The following DNAJC13 variants were observed in gnomAD, a reference collection of about 807,000 sequenced individuals.
The protein encoded by DNAJC13 is dnaJ homolog subfamily C member 13.
A neutral mutation model predicts 290.5 loss-of-function variants in DNAJC13; 75 were observed. The ratio of observed to expected loss-of-function variants is 0.26; its 90% CI spans 0.21 to 0.31. The LOEUF is 0.31. Among genes scored for constraint, DNAJC13 ranks in the 10% least tolerant of loss-of-function variants. DNAJC13 has a pLI of 1.00. For synonymous variants in DNAJC13, 862 were observed against 892.0 expected (o/e 0.97, Z 0.60); for missense variants, 2,260 against 2,674.5 (o/e 0.85, Z 3.42).
chr3:132,466,436 G>T, intron 19 of DNAJC13, 42 bp downstream of exon 19: 1 of 1,499,480 alleles, frequency 6.7e-7, no homozygotes, highest in South Asian at 1.3e-5. Flanking sequence ...TAGGAGTAAG[G>T]GTACTGTTAT....
intron 1 of DNAJC13, among the ~76,000 whole-genome samples, chr3:132,418,323 G>A (rs1938858433): frequency 6.6e-6 from 1 of 152,140 alleles, no homozygotes; most frequent in African/African-American, 2.4e-5. Flanking sequence ...TATTCACGTG[G>A]CCTTTCCTCC....
chr3:132,513,452 G>A (rs565163750), intron 45 of DNAJC13, among the ~76,000 whole-genome samples: 3 of 152,268 alleles, frequency 2.0e-5, no homozygotes, highest in East Asian at 3.9e-4. Flanking sequence ...TGTTCCTATG[G>A]AGAGACATAC....
chr3:132,525,198 G>C (rs1041405683), intron 51 of DNAJC13, among the ~76,000 whole-genome samples: 3 of 152,154 alleles, frequency 2.0e-5, no homozygotes, highest in African/African-American at 7.2e-5. Flanking sequence ...AAATTAGCCA[G>C]GCGTGGTGGT....
chr3:132,536,098 C>A (rs1359702546), intron 55 of DNAJC13, among the ~76,000 whole-genome samples: 1 of 152,180 alleles, frequency 6.6e-6, no homozygotes, highest in Non-Finnish European at 1.5e-5. Flanking sequence ...ATTTTTTCAT[C>A]CGTCCCCAAG....
intron 16 of DNAJC13, among the ~76,000 whole-genome samples, chr3:132,463,144 G>C (rs985747573): frequency 6.6e-6 from 1 of 152,150 alleles, no homozygotes; most frequent in East Asian, 1.9e-4. Flanking sequence ...TACAATTGAA[G>C]AAAGTCTCCT....
chr3:132,498,198 G>T (rs2107715175), intron 36 of DNAJC13, among the ~76,000 whole-genome samples: 1 of 152,002 alleles, frequency 6.6e-6, no homozygotes, highest in East Asian at 1.9e-4. Flanking sequence ...GTAAGAAATT[G>T]TATTATTTTC....
intron 14 of DNAJC13, 132 bp from the exon 15 acceptor site, chr3:132,460,918 C>A: frequency 1.2e-6 from 1 of 835,136 alleles, no homozygotes; most frequent in Non-Finnish European, 1.8e-6. Flanking sequence ...AACTTTGAAC[C>A]TCATGTTGAG....
chr3:132,457,714 A>G (rs1933658777), intron 13 of DNAJC13: 1 of 167,798 alleles, frequency 6.0e-6, no homozygotes, highest in African/African-American at 2.4e-5. Flanking sequence ...ATTCTCACCC[A>G]GTCTTTCTGG....
intron 2 of DNAJC13, among the ~76,000 whole-genome samples, chr3:132,439,613 A>G (rs1374182704): frequency 6.6e-6 from 1 of 152,146 alleles, no homozygotes; most frequent in East Asian, 1.9e-4. Context: ...CTTTATCGGA[A>G]TCTTATGTTT....
intron 20 of DNAJC13, among the ~76,000 whole-genome samples, chr3:132,471,258 T>C (rs1576480554): frequency 8.3e-6 from 1 of 121,104 alleles, no homozygotes. Flanking sequence ...CCCCCCCACC[T>C]CCCTCCCGGA....
chr3:132,506,244 G>A (rs180862032), intron 42 of DNAJC13, among the ~76,000 whole-genome samples: 307 of 150,928 alleles, frequency 2.0e-3, no homozygotes, highest in Non-Finnish European at 3.3e-3. Flanking sequence ...TAGAGATGGG[G>A]TTTCTCCATG....
At chr3:132,490,876 T>C (rs1295167330) in intron 31 of DNAJC13, 21 bp from the exon 32 acceptor site, 37 of 1,509,504 alleles carry the variant, frequency 2.5e-5, no homozygotes, top group Non-Finnish European at 3.0e-5. Context: ...TGACTACCTT[T>C]TGTTTTGTTT....
chr3:132,455,873 A>G (rs1342516772), intron 9 of DNAJC13, among the ~76,000 whole-genome samples: 1 of 152,236 alleles, frequency 6.6e-6, no homozygotes, highest in African/African-American at 2.4e-5. Flanking sequence ...TGATGAAAAT[A>G]TATCAGAACT....
chr3:132,429,355 C>T (rs940919183), intron 1 of DNAJC13, among the ~76,000 whole-genome samples: 10 of 151,682 alleles, frequency 6.6e-5, no homozygotes, highest in African/African-American at 2.4e-4. Context: ...AGGTTAAGAA[C>T]CTAGGGTGTA....
intron 53 of DNAJC13, 53 bp from the exon 54 acceptor site, chr3:132,528,136 T>G (rs1936314465): frequency 6.3e-7 from 1 of 1,599,936 alleles, no homozygotes; most frequent in Non-Finnish European, 8.5e-7. Flanking sequence ...ATTTCTTCAG[T>G]GGATGATTTG....
chr3:132,533,253 A>G (rs1936477958), intron 55 of DNAJC13, among the ~76,000 whole-genome samples: 1 of 151,304 alleles, frequency 6.6e-6, no homozygotes, highest in Non-Finnish European at 1.5e-5. Context: ...GCTGGTCTCA[A>G]ACTCCTGACT....
intron 48 of DNAJC13, among the ~76,000 whole-genome samples, chr3:132,521,227 C>T (rs1278480935): frequency 1.3e-5 from 2 of 151,700 alleles, no homozygotes; most frequent in African/African-American, 4.8e-5. Flanking sequence ...AGAGAGACCC[C>T]ATCTCTTAAA....
At chr3:132,535,048 C>T (rs996720619) in intron 55 of DNAJC13, among the ~76,000 whole-genome samples, 5 of 152,216 alleles carry the variant, frequency 3.3e-5, no homozygotes, top group Admixed American at 1.3e-4. Flanking sequence ...TACCCAGCCC[C>T]TCTGTAATCA....
At chr3:132,533,819 G>A (rs564530640) in intron 55 of DNAJC13, among the ~76,000 whole-genome samples, 23 of 152,300 alleles carry the variant, frequency 1.5e-4, no homozygotes, top group African/African-American at 5.3e-4. Context: ...GACTTACAGA[G>A]TGTGAACCAA....
Sources: allele counts gnomAD v4.1 joint callset (sites outside exome capture counted in the v4.1 genomes callset), GRCh38; gene constraint gnomAD v4.1.1; transcripts MANE v1.5; gene names NCBI Gene and HGNC (gene_info 2026-07-23, HGNC 2026-07-21).